OPRPN: variants seen among roughly 807,000 people sequenced by gnomAD.
OPRPN encodes the protein opiorphin prepropeptide, also known as basic proline-rich lacrimal protein.
Under a neutral mutation model 2.2 loss-of-function variants are expected in OPRPN, and 1 was observed. That is an observed-to-expected ratio of 0.45 (90% CI 0.16 to 2.15). The LOEUF is 2.15. Among genes scored for constraint, OPRPN ranks in the 30% most tolerant of loss-of-function variants. The pLI is 0.28. For synonymous variants in OPRPN, 126 were observed against 111.5 expected (o/e 1.13, Z -0.82); for missense variants, 306 against 297.3 (o/e 1.03, Z -0.21).
intron 2 of OPRPN, among the ~76,000 whole-genome samples, chr4:70,405,437 A>T (rs1363217287): frequency 6.6e-6 from 1 of 152,162 alleles, no homozygotes; most frequent in African/African-American, 2.4e-5. Context: ...CTTAATTTCC[A>T]TGACACTGTA....
Position 70,409,493 on chromosome 4 carries a change from A to G in OPRPN, c.165A>G (p.Ser55=). ...CAAGTCCCCCACCTCCCTATGACTC[A>G]AGACTTAATTCACCACTTTCTCTTC... ...VPPSPPPPYD[S]RLNSPLSLPF... The change falls in exon 3 of 3, where the codon TCA becomes TCG. Residue 55 remains serine, a synonymous_variant. Coordinates refer to ENST00000399575, the MANE Select transcript of OPRPN (RefSeq NM_021225.5). 6.2e-7 allele frequency: 1 copy of G among 1,614,002 alleles called. No individual in the cohort carries two copies. The highest frequency in any genetic ancestry group is 8.5e-7 in the Non-Finnish European group (1 of 1,179,938).
chr4:70,409,335 C>G, intron 2 of OPRPN, 45 bp from the exon 3 acceptor site: 1 of 1,473,924 alleles, frequency 6.8e-7, no homozygotes, highest in Admixed American at 2.2e-5. Context: ...TTTAAATGAT[C>G]AAATTTAGAA....
chr4:70,403,620 A>AT (rs1206154205), intron 2 of OPRPN, among the ~76,000 whole-genome samples: 2 of 152,250 alleles, frequency 1.3e-5, no homozygotes, highest in East Asian at 3.9e-4. Context: ...CATTTTAATT[A>AT]TTTTTTCTAA....
At chr4:70,400,474 C>T (rs1732953920) in intron 2 of OPRPN, among the ~76,000 whole-genome samples, 1 of 151,842 alleles carries the variant, frequency 6.6e-6, no homozygotes. Flanking sequence ...TATTATACTC[C>T]ATGAGATACC....
intron 2 of OPRPN, among the ~76,000 whole-genome samples, chr4:70,401,262 G>C (rs923264012): frequency 6.6e-6 from 1 of 151,876 alleles, no homozygotes; most frequent in Non-Finnish European, 1.5e-5. Flanking sequence ...AATATTATTG[G>C]ATATAAGAAA....
chr4:70,398,498 T>C (rs527457096), intron 1 of OPRPN, among the ~76,000 whole-genome samples: 107 of 152,018 alleles, frequency 7.0e-4, no homozygotes, highest in Non-Finnish European at 1.3e-3. Flanking sequence ...TCTGTCAACC[T>C]GTCTTACATC....
intron 2 of OPRPN, among the ~76,000 whole-genome samples, chr4:70,408,410 C>A (rs1467643525): frequency 2.0e-5 from 3 of 152,084 alleles, no homozygotes; most frequent in African/African-American, 7.2e-5. Flanking sequence ...ATTTCAAATG[C>A]CATCTTCTCT....
rs375274137 is a variant in OPRPN, at chr4:70,405,179, C to A, written c.52-4201C>A. Among the ~76,000 whole-genome samples, 20 of 152,240 alleles carry A rather than the reference C, an allele frequency of 1.3e-4. No individual in the cohort carries two copies. The East Asian group carries it at 3.7e-3, about 28-fold the overall frequency. ...TAAGCTTATCATTTGTGAAGGTAAT[C>A]CCCCCAAATGTAGACTCCTTAAGAA... On this transcript the variant is annotated intron_variant, in intron 2 of 2. Coordinates refer to ENST00000399575, the MANE Select transcript of OPRPN (RefSeq NM_021225.5).
At chr4:70,401,634 C>G (rs183796718) in intron 2 of OPRPN, among the ~76,000 whole-genome samples, 1 of 152,144 alleles carries the variant, frequency 6.6e-6, no homozygotes, top group Admixed American at 6.6e-5. Flanking sequence ...AATGACACAA[C>G]AAGTGAATGG....
At chr4:70,406,183 A>G (rs767986182) in intron 2 of OPRPN, among the ~76,000 whole-genome samples, 8 of 152,232 alleles carry the variant, frequency 5.3e-5, no homozygotes, top group Non-Finnish European at 8.8e-5. Context: ...ATAAGTGACT[A>G]TAAGTATTAT....
intron 2 of OPRPN, among the ~76,000 whole-genome samples, chr4:70,400,279 C>A (rs369968521): frequency 1.3e-5 from 2 of 151,704 alleles, no homozygotes; most frequent in South Asian, 2.1e-4. Context: ...TAGTATCTAC[C>A]TAAGAGAAAC....
intron 2 of OPRPN, chr4:70,399,706 C>T (rs568972715): frequency 1.9e-5 from 3 of 158,932 alleles, no homozygotes; most frequent in South Asian, 4.0e-4. Context: ...AATAAGAAAG[C>T]ATACAGTTGG....
chr4:70,402,489 T>G (rs1733004776), intron 2 of OPRPN, among the ~76,000 whole-genome samples: 1 of 152,090 alleles, frequency 6.6e-6, no homozygotes, highest in Non-Finnish European at 1.5e-5. Flanking sequence ...TATGGGGAAT[T>G]CATTCAACCC....
chr4:70,408,120 G>A (rs1407299575), intron 2 of OPRPN, among the ~76,000 whole-genome samples: 1 of 152,148 alleles, frequency 6.6e-6, no homozygotes, highest in African/African-American at 2.4e-5. Context: ...CTCCAGCAAT[G>A]TTCATCACCA....
intron 2 of OPRPN, among the ~76,000 whole-genome samples, chr4:70,403,315 G>A (rs533488583): frequency 6.6e-6 from 1 of 152,246 alleles, no homozygotes; most frequent in African/African-American, 2.4e-5. Context: ...TGGTCAACTT[G>A]GCTGAGGTAG....
At chr4:70,404,033 A>G (rs1377471850) in intron 2 of OPRPN, among the ~76,000 whole-genome samples, 5 of 152,140 alleles carry the variant, frequency 3.3e-5, no homozygotes, top group Admixed American at 6.6e-5. Flanking sequence ...GGCTCCCATC[A>G]TGGTCCATTT....
intron 2 of OPRPN, among the ~76,000 whole-genome samples, chr4:70,400,775 T>G (rs933095570): frequency 1.6e-4 from 24 of 151,974 alleles, no homozygotes; most frequent in African/African-American, 3.9e-4. Context: ...ATTATCAAAT[T>G]TATTACTCTG....
At chr4:70,407,273 C>T (rs1201184651) in intron 2 of OPRPN, among the ~76,000 whole-genome samples, 1 of 152,172 alleles carries the variant, frequency 6.6e-6, no homozygotes, top group Non-Finnish European at 1.5e-5. Flanking sequence ...GGCCATAAGG[C>T]CTAAGATCCT....
At chr4:70,402,096 G>A (rs1316635171) in intron 2 of OPRPN, among the ~76,000 whole-genome samples, 3 of 152,032 alleles carry the variant, frequency 2.0e-5, no homozygotes, top group South Asian at 2.1e-4. Flanking sequence ...CTAAACCAAC[G>A]ATAAGCAGAT....
Sources: allele counts gnomAD v4.1 joint callset (sites outside exome capture counted in the v4.1 genomes callset), GRCh38; gene constraint gnomAD v4.1.1; transcripts MANE v1.5; gene names NCBI Gene and HGNC (gene_info 2026-07-23, HGNC 2026-07-21).